PARP8: variants seen among roughly 807,000 people sequenced by gnomAD.
The protein encoded by PARP8 is poly(ADP-ribose) polymerase family member 8.
In PARP8, 51 loss-of-function variants were observed where a neutral mutation model predicts 124.1. That is an observed-to-expected ratio of 0.41 (90% CI 0.33 to 0.52). PARP8 has a LOEUF of 0.52. Ranked by LOEUF, PARP8 falls within the 20% of genes least tolerant of loss-of-function variation. The pLI is 0.21. For missense variants in PARP8, 860 were observed against 1,018.9 expected, an observed-to-expected ratio of 0.84 and a Z score of 2.12; for synonymous variants, 391 against 361.5, an observed-to-expected ratio of 1.08 and a Z score of -0.93.
intron 2 of PARP8, among the ~76,000 whole-genome samples, chr5:50,689,174 T>G (rs922258456): frequency 6.6e-6 from 1 of 152,036 alleles, no homozygotes; most frequent in African/African-American, 2.4e-5. Flanking sequence ...TTTCTAGGAA[T>G]GGGCTCTTTG....
chr5:50,727,732 G>A lies in PARP8; in HGVS notation c.147-22419G>A, dbSNP rs756835610. 5.9e-5 allele frequency among the ~76,000 whole-genome samples: 9 copies of A among 152,216 alleles called. 1 individual carries two copies. The highest frequency in any genetic ancestry group is 3.9e-4 in the Admixed American group (6 of 15,286). On this transcript the variant is annotated intron_variant, in intron 2 of 25. Coordinates refer to ENST00000281631, the MANE Select transcript of PARP8 (RefSeq NM_024615.4). ...AATGAGGATGGTATATTCAAATTCCGCAATTATTTTCTTTTACTCATCCAC... is the reference window on the plus strand; with the variant it reads ...AATGAGGATGGTATATTCAAATTCCACAATTATTTTCTTTTACTCATCCAC...
intron 7 of PARP8, among the ~76,000 whole-genome samples, chr5:50,768,234 G>A (rs957545149): frequency 6.6e-6 from 1 of 152,086 alleles, no homozygotes; most frequent in East Asian, 1.9e-4. Flanking sequence ...AGTGTCTCAC[G>A]AGTGAGGATA....
chr5:50,816,412 A>G (rs1033343253), intron 15 of PARP8, among the ~76,000 whole-genome samples: 1 of 152,212 alleles, frequency 6.6e-6, no homozygotes, highest in Non-Finnish European at 1.5e-5. Context: ...AAACTATAGG[A>G]CAGTAAAATT....
intron 2 of PARP8, among the ~76,000 whole-genome samples, chr5:50,725,223 T>A (rs1400306376): frequency 2.0e-5 from 3 of 151,924 alleles, no homozygotes; most frequent in Non-Finnish European, 4.4e-5. Flanking sequence ...TTGCACAATA[T>A]ATTATGATAC....
At chr5:50,837,510 G>A (rs7705385) in intron 25 of PARP8, among the ~76,000 whole-genome samples, 9,673 of 152,108 alleles carry the variant, frequency 0.064, 360 homozygotes, top group South Asian at 0.18. Flanking sequence ...GATACATTAT[G>A]TGATCCTGGA....
chr5:50,769,207 A>G (rs552245074), intron 7 of PARP8, among the ~76,000 whole-genome samples: 2 of 152,232 alleles, frequency 1.3e-5, no homozygotes, highest in Admixed American at 6.5e-5. Flanking sequence ...TTATTCCTTT[A>G]TGGTAAATTC....
intron 9 of PARP8, among the ~76,000 whole-genome samples, chr5:50,783,725 G>T (rs774043850): frequency 7.2e-5 from 11 of 152,064 alleles, no homozygotes; most frequent in African/African-American, 2.2e-4. Flanking sequence ...TTTATGGGTT[G>T]GTCTAATCTG....
At chr5:50,788,216 A>G (rs888826927) in intron 9 of PARP8, among the ~76,000 whole-genome samples, 2 of 147,350 alleles carry the variant, frequency 1.4e-5, no homozygotes, top group African/African-American at 4.9e-5. Context: ...ATATTATTAT[A>G]CATTATACTG....
At chr5:50,715,544 A>G (rs1259433397) in intron 2 of PARP8, among the ~76,000 whole-genome samples, 1 of 151,910 alleles carries the variant, frequency 6.6e-6, no homozygotes. Context: ...GCAAATAAAG[A>G]TGACCAAAAT....
At chr5:50,746,594 G>A (rs537845854) in intron 2 of PARP8, among the ~76,000 whole-genome samples, 1 of 152,108 alleles carries the variant, frequency 6.6e-6, no homozygotes, top group South Asian at 2.1e-4. Context: ...AAGTTCCTTT[G>A]TCTGTCATAT....
intron 1 of PARP8, chr5:50,667,462 G>T: frequency 2.9e-6 from 2 of 700,382 alleles, no homozygotes; most frequent in South Asian, 3.0e-5. Context: ...GCAGTGCGTG[G>T]TATTTCCAGC....
intron 2 of PARP8, among the ~76,000 whole-genome samples, chr5:50,698,162 G>A (rs1249394983): frequency 1.3e-5 from 2 of 152,158 alleles, no homozygotes; most frequent in Non-Finnish European, 2.9e-5. Context: ...TTTCTCAGTC[G>A]AATACACGAG....
chr5:50,772,549 T>C (rs1761731730), intron 7 of PARP8, among the ~76,000 whole-genome samples: 1 of 152,198 alleles, frequency 6.6e-6, no homozygotes, highest in Admixed American at 6.5e-5. Context: ...GCCATTCTAA[T>C]TGGAGTGAAG....
chr5:50,835,814 A>T lies in PARP8; in HGVS notation c.2462+799A>T, dbSNP rs1434668382. Among the ~76,000 whole-genome samples, 3 of 152,138 alleles carry T rather than the reference A, an allele frequency of 2.0e-5. 1 individual carries two copies. The highest frequency in any genetic ancestry group is 2.0e-4 in the Admixed American group (3 of 15,278). ...TATCATAAGAGTTGCATTAAAATATAAAAGCATTATTTTTCATTCCTAAAT... is the reference window on the plus strand; with the variant it reads ...TATCATAAGAGTTGCATTAAAATATTAAAGCATTATTTTTCATTCCTAAAT... On this transcript the variant is annotated intron_variant, in intron 25 of 25. Coordinates refer to ENST00000281631, the MANE Select transcript of PARP8 (RefSeq NM_024615.4).
chr5:50,833,314 G>T, intron 23 of PARP8: 2 of 353,290 alleles, frequency 5.7e-6, no homozygotes, highest in South Asian at 4.5e-5. Flanking sequence ...GGTGACATTT[G>T]AGTCAAGACC....
At chr5:50,698,353 T>G (rs1753246430) in intron 2 of PARP8, among the ~76,000 whole-genome samples, 1 of 152,236 alleles carries the variant, frequency 6.6e-6, no homozygotes, top group African/African-American at 2.4e-5. Flanking sequence ...CATTCCTTAT[T>G]GTTTTCAGGG....
At chr5:50,787,925 C>T (rs1289863647) in intron 9 of PARP8, among the ~76,000 whole-genome samples, 5 of 149,262 alleles carry the variant, frequency 3.3e-5, no homozygotes, top group African/African-American at 4.9e-5. Flanking sequence ...GTTATATGTA[C>T]ATACATACAT....
In PARP8 at chr5:50,843,095, AC is replaced by A. The variant is rs1222254864; in HGVS notation, c.*1028del. The A allele has an allele frequency of 0.04, 4 of 100 alleles. No homozygotes were observed. Among genetic ancestry groups the A allele is most frequent in the Admixed American group, 0.12 (1 of 8 alleles). The allele number at this position is 100 out of a possible 1,614,324, so 0.0% of individuals were successfully genotyped here. On this transcript the variant is annotated 3_prime_UTR_variant, in exon 26 of 26. Coordinates refer to ENST00000281631, the MANE Select transcript of PARP8 (RefSeq NM_024615.4). ...TATTTTTTTCATATTGAGAAAGAACACAAACTTGATGCTTCTTTTATATTAA... is the reference window on the plus strand; with the variant it reads ...TATTTTTTTCATATTGAGAAAGAACAAAACTTGATGCTTCTTTTATATTAA...
intron 2 of PARP8, among the ~76,000 whole-genome samples, chr5:50,740,103 A>G (rs996011946): frequency 2.0e-5 from 3 of 152,126 alleles, no homozygotes; most frequent in African/African-American, 7.2e-5. Context: ...TAATGTTCCC[A>G]CTATGTGCTA....
Sources: gnomAD v4.1 joint callset for allele counts (sites outside exome capture counted in the v4.1 genomes callset) on GRCh38, gnomAD v4.1.1 for gene constraint, MANE v1.5 for transcripts, NCBI Gene and HGNC (gene_info 2026-07-23, HGNC 2026-07-21) for gene names.